DOK6: variants seen among roughly 807,000 people sequenced by gnomAD.
DOK6 encodes the protein downstream of tyrosine kinase 6.
A neutral mutation model predicts 44.0 loss-of-function variants in DOK6; 22 were observed. That is an observed-to-expected ratio of 0.50 (90% confidence interval 0.36 to 0.71). DOK6 has a LOEUF of 0.71. Ranked by LOEUF, DOK6 falls within the 30% of genes least tolerant of loss-of-function variation. The pLI is 0.00. For synonymous variants in DOK6, 166 were observed against 145.5 expected (o/e 1.14, Z -1.01); for missense variants, 340 against 416.4 (o/e 0.82, Z 1.60).
chr18:69,530,709 G>A (rs985799442), intron 1 of DOK6, among the ~76,000 whole-genome samples: 2 of 152,162 alleles, frequency 1.3e-5, no homozygotes, highest in Middle Eastern at 3.2e-3. Context: ...TGGAATAAGT[G>A]CGATGTGGTG....
intron 6 of DOK6, among the ~76,000 whole-genome samples, chr18:69,750,578 G>A (rs1979144136): frequency 6.6e-6 from 1 of 152,164 alleles, no homozygotes; most frequent in Non-Finnish European, 1.5e-5. Flanking sequence ...AAGGTAACAA[G>A]TGCTGGTGAC....
At chr18:69,839,811 G>T (rs1217529554) in intron 7 of DOK6, among the ~76,000 whole-genome samples, 1 of 152,222 alleles carries the variant, frequency 6.6e-6, no homozygotes, top group Admixed American at 6.5e-5. Flanking sequence ...AGAGCCAGGG[G>T]CGTGGGGCAG....
At position 69,680,276 on chromosome 18, in the gene DOK6, A is replaced by G. The variant is rs552474708; in HGVS notation, c.409+2423A>G. Among the ~76,000 whole-genome samples the G allele has an allele frequency of 2.0e-5, 3 of 152,304 alleles. No individual in the cohort carries two copies. In the East Asian group the frequency reaches 5.8e-4, roughly 29 times the overall value. On this transcript the variant is annotated intron_variant, in intron 4 of 7. Transcript: ENST00000382713. ...TACTCACTAAGACTCTTCAATGTTT[A>G]GCATTAAAAGAAAATTCCTGGATGG...
chr18:69,469,056 C>T (rs1194484097), intron 1 of DOK6, among the ~76,000 whole-genome samples: 1 of 152,142 alleles, frequency 6.6e-6, no homozygotes, highest in Non-Finnish European at 1.5e-5. Context: ...AAGATGGTGC[C>T]ACTGAAGGAA....
intron 4 of DOK6, among the ~76,000 whole-genome samples, chr18:69,680,242 A>G (rs1986014094): frequency 6.6e-6 from 1 of 152,184 alleles, no homozygotes; most frequent in Non-Finnish European, 1.5e-5. Flanking sequence ...ATGCTGGGAG[A>G]CAGACACGTA....
At chr18:69,571,190 AAGG>A (rs567622225) in intron 2 of DOK6, among the ~76,000 whole-genome samples, 27 of 152,148 alleles carry the variant, frequency 1.8e-4, no homozygotes, top group African/African-American at 6.3e-4. Context: ...TGGAAAAATT[AAGG>A]AGTTTATTGT....
At chr18:69,841,201 CT>C in intron 7 of DOK6, 42 bp from the exon 8 acceptor site, 1 of 1,611,842 alleles carries the variant, frequency 6.2e-7, no homozygotes, top group Middle Eastern at 1.7e-4. Context: ...TTTTGTGCTT[CT>C]GAATCTGTTT....
chr18:69,527,496 T>A (rs1161134297), intron 1 of DOK6, among the ~76,000 whole-genome samples: 1 of 152,196 alleles, frequency 6.6e-6, no homozygotes, highest in Admixed American at 6.5e-5. Context: ...CAGAACAGCA[T>A]GGTGGTAACT....
chr18:69,445,024 T>G (rs4891747), intron 1 of DOK6, among the ~76,000 whole-genome samples: 30,483 of 152,140 alleles, frequency 0.2, 3,364 homozygotes, highest in South Asian at 0.31. Context: ...CAATGTTTTT[T>G]ACTTTCAGTA....
At chr18:69,528,472 G>A (rs1000855289) in intron 1 of DOK6, among the ~76,000 whole-genome samples, 1 of 152,164 alleles carries the variant, frequency 6.6e-6, no homozygotes, top group Non-Finnish European at 1.5e-5. Flanking sequence ...AATTAGTGCA[G>A]GGAGAACTTT....
intron 7 of DOK6, among the ~76,000 whole-genome samples, chr18:69,775,980 C>G (rs1015429280): frequency 1.3e-5 from 2 of 151,936 alleles, no homozygotes; most frequent in South Asian, 2.1e-4. Context: ...TGTACACACA[C>G]AAAAATGGAC....
At chr18:69,567,973 C>T (rs111290693) in intron 2 of DOK6, among the ~76,000 whole-genome samples, 128 of 152,344 alleles carry the variant, frequency 8.4e-4, no homozygotes, top group Middle Eastern at 3.4e-3. Context: ...GGCCAGCTCT[C>T]CCTTACAGGG....
At chr18:69,696,698 CCT>C (rs1986397785) in intron 4 of DOK6, among the ~76,000 whole-genome samples, 1 of 152,080 alleles carries the variant, frequency 6.6e-6, no homozygotes, top group Non-Finnish European at 1.5e-5. Flanking sequence ...CTGTGTAAAA[CCT>C]TTGGGTCCAA....
chr18:69,511,716 T>G (rs1359900249), intron 1 of DOK6, among the ~76,000 whole-genome samples: 1 of 152,220 alleles, frequency 6.6e-6, no homozygotes, highest in Admixed American at 6.5e-5. Context: ...AATTTATAAT[T>G]AGCAATGTGT....
At chr18:69,659,362 A>C (rs1328978233) in intron 3 of DOK6, among the ~76,000 whole-genome samples, 1 of 152,232 alleles carries the variant, frequency 6.6e-6, no homozygotes, top group Non-Finnish European at 1.5e-5. Flanking sequence ...AAAAAGATAA[A>C]GTGACAAAGC....
intron 7 of DOK6, among the ~76,000 whole-genome samples, chr18:69,818,157 A>G (rs961748290): frequency 1.3e-5 from 2 of 152,142 alleles, no homozygotes; most frequent in African/African-American, 4.8e-5. Flanking sequence ...CCCAAGATAC[A>G]AAGCATCCCT....
intron 6 of DOK6, among the ~76,000 whole-genome samples, chr18:69,740,109 A>T (rs1307961569): frequency 1.3e-5 from 2 of 152,176 alleles, no homozygotes; most frequent in Admixed American, 1.3e-4. Flanking sequence ...CTAACACCTC[A>T]GGAGGGAAAG....
chr18:69,783,422 T>A (rs1980336533), intron 7 of DOK6, among the ~76,000 whole-genome samples: 1 of 152,222 alleles, frequency 6.6e-6, no homozygotes, highest in African/African-American at 2.4e-5. Flanking sequence ...TTAAAAGATG[T>A]TACCAAAATT....
At chr18:69,678,518 T>C (rs905925019) in intron 4 of DOK6, among the ~76,000 whole-genome samples, 4 of 152,218 alleles carry the variant, frequency 2.6e-5, no homozygotes, top group African/African-American at 4.8e-5. Context: ...CGGTAGCTTT[T>C]AGGACATTTG....
Sources: gnomAD v4.1 joint callset for allele counts (sites outside exome capture counted in the v4.1 genomes callset) on GRCh38, gnomAD v4.1.1 for gene constraint, MANE v1.5 for transcripts, NCBI Gene and HGNC (gene_info 2026-07-23, HGNC 2026-07-21) for gene names.